CFH: variants seen among roughly 807,000 people sequenced by gnomAD.
The protein encoded by CFH is H factor 1 (complement).
CFH carries 53 observed loss-of-function variants against 147.3 expected under a neutral mutation model. The observed-to-expected ratio is 0.36, with a 90% confidence interval of 0.29 to 0.45. CFH has a LOEUF of 0.45. CFH is among the 20% of genes least tolerant of loss of function. The probability of loss-of-function intolerance (pLI) is 1.00; values close to 1 mark genes in which losing one functional copy is unlikely to be tolerated. For missense variants in CFH, 1,380 were observed against 1,498.0 expected (o/e 0.92, Z 1.30); for synonymous variants, 536 against 489.4 (o/e 1.10, Z -1.26).
chr1:196,713,313 A>C (rs1431575499), intron 9 of CFH, among the ~76,000 whole-genome samples: 1 of 152,178 alleles, frequency 6.6e-6, no homozygotes, highest in Non-Finnish European at 1.5e-5. Flanking sequence ...TTATTTTGGC[A>C]GATTTTCTAA....
intron 1 of CFH, among the ~76,000 whole-genome samples, chr1:196,670,019 G>C (rs1274055496): frequency 6.6e-6 from 1 of 152,172 alleles, no homozygotes; most frequent in Non-Finnish European, 1.5e-5. Flanking sequence ...GGAATCAAAG[G>C]GGACTGTTTT....
At chr1:196,714,042 C>A (rs1421059514) in intron 10 of CFH, 125 bp downstream of exon 10, 1 of 795,238 alleles carries the variant, frequency 1.3e-6, no homozygotes, top group East Asian at 2.7e-5. Flanking sequence ...CCTGCAGGAA[C>A]AAAGCAGACA....
At chr1:196,712,435 G>A (rs1340613639) in intron 9 of CFH, among the ~76,000 whole-genome samples, 1 of 150,926 alleles carries the variant, frequency 6.6e-6, no homozygotes, top group Non-Finnish European at 1.5e-5. Context: ...ATTTCCCTCT[G>A]AGGATTGTTC....
At chr1:196,706,127 G>T (rs545625899) in intron 9 of CFH, among the ~76,000 whole-genome samples, 49 of 151,980 alleles carry the variant, frequency 3.2e-4, no homozygotes, top group Non-Finnish European at 6.0e-4. Context: ...GGGTTCATCG[G>T]CACAGAAGGC....
intron 6 of CFH, among the ~76,000 whole-genome samples, chr1:196,682,359 G>T (rs146600321): frequency 9.2e-5 from 14 of 151,798 alleles, no homozygotes; most frequent in Non-Finnish European, 1.9e-4. Context: ...TAAAGGTACA[G>T]GTTCGGGCAA....
chr1:196,704,004 AAGAC>A (rs1220228035), intron 9 of CFH, among the ~76,000 whole-genome samples: 18 of 151,144 alleles, frequency 1.2e-4, no homozygotes, highest in Non-Finnish European at 2.4e-4. Context: ...AAAAAAAAAA[AAGAC>A]AGAGTTTTTC....
At chr1:196,684,534 T>C (rs1286473413) in intron 6 of CFH, among the ~76,000 whole-genome samples, 2 of 151,930 alleles carry the variant, frequency 1.3e-5, no homozygotes, top group African/African-American at 4.8e-5. Context: ...TCGCGGTATC[T>C]TTGGGAAAGA....
At chr1:196,736,690 T>C in intron 15 of CFH, 134 bp from the exon 16 acceptor site, 1 of 343,620 alleles carries the variant, frequency 2.9e-6, no homozygotes, top group Non-Finnish European at 4.5e-6. Context: ...TGTGATAATT[T>C]ATGAAACAGT....
intron 1 of CFH, among the ~76,000 whole-genome samples, chr1:196,652,825 A>C (rs1163299532): frequency 6.6e-6 from 1 of 151,850 alleles, no homozygotes; most frequent in Non-Finnish European, 1.5e-5. Context: ...TGGAGTAGTG[A>C]ATATGAATGT....
At chr1:196,688,189 T>A (rs1667892855) in intron 7 of CFH, among the ~76,000 whole-genome samples, 1 of 152,020 alleles carries the variant, frequency 6.6e-6, no homozygotes, top group African/African-American at 2.4e-5. Flanking sequence ...AAGTACTAGA[T>A]AATCTACAAA....
rs1162439666 is a variant in CFH at position 196,673,749 on chromosome 1, T to C, written c.245-108T>C. On this transcript the variant is annotated intron_variant, in intron 2 of 21. Transcript: ENST00000367429. Reference sequence around the variant, plus strand: ...TTTGCTATGTTTAATTTTCCTTACATTCAATCTGTCTTCTTATATAATATC... The same window carrying C: ...TTTGCTATGTTTAATTTTCCTTACACTCAATCTGTCTTCTTATATAATATC... 6.5e-6 allele frequency: 5 copies of C among 773,976 alleles called. No homozygotes were observed. In the African/African-American group the frequency reaches 6.9e-5, roughly 11 times the overall value. 47.9% of individuals were successfully genotyped at this position (773,976 alleles called of 1,614,324 possible). A position where few individuals can be genotyped will look rare whatever the true frequency, so the allele number is the denominator to read the frequency against.
intron 9 of CFH, among the ~76,000 whole-genome samples, chr1:196,698,663 C>T (rs1242557591): frequency 1.3e-5 from 2 of 152,128 alleles, no homozygotes; most frequent in African/African-American, 4.8e-5. Flanking sequence ...GGAGTTGGTA[C>T]CATTCCTTTG....
intron 2 of CFH, 144 bp from the exon 3 acceptor site, chr1:196,673,708 ATTATG>A: frequency 1.5e-6 from 1 of 652,638 alleles, no homozygotes; most frequent in Non-Finnish European, 2.7e-6. Context: ...TTTAAGTTCA[ATTATG>A]AAATAATGGC....
intron 11 of CFH, among the ~76,000 whole-genome samples, chr1:196,716,766 T>C (rs1217772427): frequency 2.0e-5 from 3 of 152,140 alleles, no homozygotes; most frequent in African/African-American, 7.2e-5. Context: ...TGTAGGTAAA[T>C]GGCAATAACC....
At chr1:196,715,538 CA>C (rs1668849212) in intron 10 of CFH, 54 bp from the exon 11 acceptor site, 1 of 1,358,576 alleles carries the variant, frequency 7.4e-7, no homozygotes, top group Non-Finnish European at 1.1e-6. Context: ...GGGAAATACT[CA>C]GATTGTTTAT....
intron 15 of CFH, among the ~76,000 whole-genome samples, chr1:196,729,134 C>A (rs987511281): frequency 2.0e-5 from 3 of 151,950 alleles, no homozygotes; most frequent in Non-Finnish European, 4.4e-5. Context: ...GGTTTCCTTG[C>A]CTCACTAACT....
intron 15 of CFH, 140 bp from the exon 16 acceptor site, chr1:196,736,684 A>T (rs990707946): frequency 3.1e-6 from 1 of 322,778 alleles, no homozygotes. Context: ...TTAATATGTG[A>T]TAATTTATGA....
chr1:196,723,328 C>G (rs1669048172), intron 11 of CFH, among the ~76,000 whole-genome samples: 2 of 151,994 alleles, frequency 1.3e-5, no homozygotes, highest in Non-Finnish European at 2.9e-5. Context: ...GGTAAAGACT[C>G]TGTTTGAGTA....
Position 196,726,764 on chromosome 1 carries a change from A to G in CFH, c.2060A>G (p.Glu687Gly). ...EWTTLPVCIV[E>G]ESTCGDIPEL... ...TTTTTTTGTAAAATTTACATAGTGG[A>G]GGAGAGTACCTGTGGAGATATACCT... Residue 687 changes from glutamate (E) to glycine (G), a missense_variant, in exon 14 of 22, where the codon GAG becomes GGG. By Grantham distance (98) the Glu-to-Gly change is moderately conservative. Transcript: ENST00000367429. 6.2e-7 allele frequency: 1 copy of G among 1,613,812 alleles called. No individual in the cohort carries two copies. Among genetic ancestry groups the G allele is most frequent in the Non-Finnish European group, 8.5e-7 (1 of 1,179,770 alleles).
Sources: allele counts gnomAD v4.1 joint callset (sites outside exome capture counted in the v4.1 genomes callset), GRCh38; gene constraint gnomAD v4.1.1; transcripts MANE v1.5; gene names NCBI Gene and HGNC (gene_info 2026-07-23, HGNC 2026-07-21).